ADAM9: variants seen among roughly 807,000 people sequenced by gnomAD.
The protein encoded by ADAM9 is ADAM metallopeptidase domain 9.
In ADAM9, 54 loss-of-function variants were observed where a neutral mutation model predicts 108.1. The ratio of observed to expected loss-of-function variants is 0.50; its 90% CI spans 0.40 to 0.63. The LOEUF (loss-of-function observed/expected upper bound fraction) is 0.63, where lower values mean the gene tolerates loss of function less well. Among genes scored for constraint, ADAM9 ranks in the 20% least tolerant of loss-of-function variants. The pLI is 0.00. For synonymous variants in ADAM9, 316 were observed against 336.0 expected, an observed-to-expected ratio of 0.94 and a Z score of 0.65; for missense variants, 830 against 997.7, an observed-to-expected ratio of 0.83 and a Z score of 2.26.
intron 18 of ADAM9, chr8:39,089,667 G>A (rs546179399): frequency 4.2e-6 from 1 of 236,808 alleles, no homozygotes; most frequent in African/African-American, 2.3e-5. Context: ...TCACAATGGA[G>A]TTTCATATAG....
At chr8:39,030,283 A>G (rs532718520) in intron 11 of ADAM9, among the ~76,000 whole-genome samples, 31 of 152,134 alleles carry the variant, frequency 2.0e-4, no homozygotes, top group Non-Finnish European at 4.6e-4. Context: ...ACCCTTGGCA[A>G]CCACTAATCT....
At chr8:39,050,187 A>C (rs1218679665) in intron 12 of ADAM9, among the ~76,000 whole-genome samples, 3 of 152,110 alleles carry the variant, frequency 2.0e-5, no homozygotes, top group Non-Finnish European at 4.4e-5. Context: ...TACTGCTTTC[A>C]AAATTCTCTT....
At chr8:39,067,949 C>G (rs1220107908) in intron 14 of ADAM9, among the ~76,000 whole-genome samples, 1 of 152,160 alleles carries the variant, frequency 6.6e-6, no homozygotes, top group Non-Finnish European at 1.5e-5. Context: ...GAGTTTTTAG[C>G]ATGAAGGGCT....
chr8:39,086,092 G>T (rs1839171656), intron 18 of ADAM9, among the ~76,000 whole-genome samples: 1 of 151,994 alleles, frequency 6.6e-6, no homozygotes, highest in South Asian at 2.1e-4. Context: ...TTGGCTCATG[G>T]CAATCTCTGC....
chr8:39,031,212 A>G (rs920726020), intron 11 of ADAM9, among the ~76,000 whole-genome samples: 1 of 152,184 alleles, frequency 6.6e-6, no homozygotes, highest in African/African-American at 2.4e-5. Context: ...TAGACCTTTG[A>G]TCCACATGGA....
At chr8:39,016,934 C>T (rs1217244662) in intron 5 of ADAM9, 6 of 418,872 alleles carry the variant, frequency 1.4e-5, no homozygotes, top group Admixed American at 3.8e-5. Context: ...TCCTCTGGTC[C>T]GGATGCCACA....
chr8:39,042,908 G>C (rs1275472455), intron 12 of ADAM9, among the ~76,000 whole-genome samples: 1 of 152,072 alleles, frequency 6.6e-6, no homozygotes, highest in African/African-American at 2.4e-5. Context: ...TTGATCGGCA[G>C]CTCCCCATTT....
At chr8:39,006,269 G>A (rs1262468275) in intron 1 of ADAM9, among the ~76,000 whole-genome samples, 1 of 152,168 alleles carries the variant, frequency 6.6e-6, no homozygotes, top group Admixed American at 6.5e-5. Context: ...ATAAGGGATT[G>A]ATGGGTAAAG....
At chr8:39,075,090 A>G (rs542308983) in intron 15 of ADAM9, among the ~76,000 whole-genome samples, 2 of 151,864 alleles carry the variant, frequency 1.3e-5, no homozygotes, top group East Asian at 1.9e-4. Context: ...TATTTTTAGT[A>G]GAGATGGGGT....
At chr8:39,085,907 C>T (rs1839166693) in intron 18 of ADAM9, among the ~76,000 whole-genome samples, 1 of 152,006 alleles carries the variant, frequency 6.6e-6, no homozygotes, top group Non-Finnish European at 1.5e-5. Flanking sequence ...CCTCTTTCTC[C>T]TCATCCAGGT....
intron 16 of ADAM9, 74 bp from the exon 17 acceptor site, chr8:39,082,567 A>AG (rs1839056391): frequency 9.3e-7 from 1 of 1,073,144 alleles, no homozygotes; most frequent in Middle Eastern, 2.2e-4. Flanking sequence ...ATCTGTACCC[A>AG]GGTCTTTTTT....
rs111760162 is a variant in ADAM9 at position 39,023,946 on chromosome 8, A to G, written c.914+621A>G. On this transcript the variant is annotated intron_variant, in intron 9 of 21. Coordinates refer to ENST00000487273, the MANE Select transcript of ADAM9 (RefSeq NM_003816.3). The stretch of plus-strand genomic sequence containing the variant: ...AGTGTAGCAGAGATGGGGTCTCACC[A>G]TGTTGGCCAGGCTGGTCTCGAACTC... Among the ~76,000 whole-genome samples, 1,087 of 152,028 alleles carry G rather than the reference A, an allele frequency of 7.2e-3. 19 individuals are homozygous for G. The highest frequency in any genetic ancestry group is 0.025 in the African/African-American group (1,030 of 41,462).
At chr8:39,091,462 C>T in intron 20 of ADAM9, 116 bp downstream of exon 20, 1 of 988,952 alleles carries the variant, frequency 1.0e-6, no homozygotes. Context: ...CTTAAGAATT[C>T]AAGAGTATTG....
chr8:39,082,597 T>C (rs1324611609), intron 16 of ADAM9, 44 bp from the exon 17 acceptor site: 1 of 1,509,830 alleles, frequency 6.6e-7, no homozygotes, highest in South Asian at 1.1e-5. Context: ...TTTTAATGAC[T>C]GTGCTCAATC....
At chr8:39,022,099 A>T (rs536555846) in intron 8 of ADAM9, among the ~76,000 whole-genome samples, 712 of 125,290 alleles carry the variant, frequency 5.7e-3, no homozygotes, top group African/African-American at 6.8e-3. Flanking sequence ...TGTGTGTGTG[A>T]GAGAGAGAGA....
chr8:39,060,778 A>G (rs1838274978), intron 14 of ADAM9, among the ~76,000 whole-genome samples: 1 of 152,236 alleles, frequency 6.6e-6, no homozygotes, highest in Admixed American at 6.5e-5. Context: ...CAAGATCCCC[A>G]AAACTAAATT....
intron 20 of ADAM9, among the ~76,000 whole-genome samples, chr8:39,099,839 A>C (rs1839627264): frequency 6.6e-6 from 1 of 151,160 alleles, no homozygotes; most frequent in Non-Finnish European, 1.5e-5. Flanking sequence ...TTTAATTGAC[A>C]AATAATAATT....
chr8:39,076,401 G>A (rs1286436708), intron 15 of ADAM9: 1 of 152,228 alleles, frequency 6.6e-6, no homozygotes, highest in African/African-American at 2.4e-5. Context: ...TACAGATGTA[G>A]ATTTTTACCT....
chr8:39,104,548 T>C lies in ADAM9; in HGVS notation c.*848T>C, dbSNP rs1389762560. ...GGCTATAATAAAGCAGGAGCAATTATAAAATCTTCAATCAATTGAACTTTT... is the reference window on the plus strand; with the variant it reads ...GGCTATAATAAAGCAGGAGCAATTACAAAATCTTCAATCAATTGAACTTTT... On this transcript the variant is annotated 3_prime_UTR_variant, in exon 22 of 22. Coordinates refer to ENST00000487273, the MANE Select transcript of ADAM9 (RefSeq NM_003816.3). 2.5e-6 allele frequency: 1 copy of C among 393,652 alleles called. No homozygotes were observed. Among genetic ancestry groups the C allele is most frequent in the South Asian group, 1.9e-5 (1 of 52,156 alleles). The allele number at this position is 393,652 out of a possible 1,614,324, so 24.4% of individuals were successfully genotyped here.
Sources: allele counts gnomAD v4.1 joint callset (sites outside exome capture counted in the v4.1 genomes callset), GRCh38; gene constraint gnomAD v4.1.1; transcripts MANE v1.5; gene names NCBI Gene and HGNC (gene_info 2026-07-23, HGNC 2026-07-21).